The following EVC2 variants were observed in gnomAD, a reference collection of about 807,000 sequenced individuals.
The protein encoded by EVC2 is limbin.
A neutral mutation model predicts 149.3 loss-of-function variants in EVC2; 148 were observed. The observed-to-expected ratio is 0.99, with a 90% confidence interval of 0.87 to 1.14. The LOEUF (loss-of-function observed/expected upper bound fraction) is 1.14, where lower values mean the gene tolerates loss of function less well. Ranked by LOEUF, EVC2 falls within the 50% of genes most tolerant of loss-of-function variation. The pLI, the probability that EVC2 is intolerant of heterozygous loss-of-function variation, is 0.00. For missense variants in EVC2, 1,854 were observed against 1,627.3 expected (o/e 1.14, Z -2.40); for synonymous variants, 776 against 649.9 (o/e 1.19, Z -2.95).
chr4:5,701,394 G>A (rs1297202944), intron 1 of EVC2, among the ~76,000 whole-genome samples: 2 of 152,168 alleles, frequency 1.3e-5, no homozygotes, highest in East Asian at 1.9e-4. Context: ...CTGGACGTGG[G>A]CATCTTGGGG....
chr4:5,653,161 G>A (rs781559018), intron 9 of EVC2, among the ~76,000 whole-genome samples: 18 of 152,134 alleles, frequency 1.2e-4, no homozygotes, highest in African/African-American at 4.1e-4. Context: ...TACCAGTCAC[G>A]TTGGATCAAG....
intron 17 of EVC2, among the ~76,000 whole-genome samples, chr4:5,580,497 A>G (rs1711662180): frequency 6.6e-6 from 1 of 152,250 alleles, no homozygotes; most frequent in Non-Finnish European, 1.5e-5. Context: ...AGTAAACAGC[A>G]CAACTATGTG....
intron 1 of EVC2, among the ~76,000 whole-genome samples, chr4:5,704,542 C>T (rs796244406): frequency 1.1e-4 from 16 of 152,090 alleles, no homozygotes; most frequent in African/African-American, 3.4e-4. Flanking sequence ...GATGGAAATT[C>T]GGGAGCTGCC....
intron 7 of EVC2, among the ~76,000 whole-genome samples, chr4:5,668,401 G>A (rs1719413094): frequency 6.6e-6 from 1 of 152,202 alleles, no homozygotes. Context: ...GAGACTGTCA[G>A]AGAACCAATT....
In EVC2 at chr4:5,622,417, TA is replaced by T; in HGVS notation, c.2501+119del. On this transcript the variant is annotated intron_variant, in intron 14 of 21. Transcript: ENST00000344408. This position sits in a 1 kb window ranked among gnomAD's most constrained non-coding sequence, Gnocchi z 5.8. The stretch of plus-strand genomic sequence containing the variant: ...AGTTTATATGACTAATTAACGCTGG[TA>T]ATCTCATCTGTCTGGGGCCAGGTGT... 1 of 1,158,524 alleles carries T rather than the reference TA, an allele frequency of 8.6e-7. No homozygotes were observed. Among genetic ancestry groups the T allele is most frequent in the Non-Finnish European group, 1.3e-6 (1 of 791,166 alleles). 71.8% of individuals were successfully genotyped at this position (1,158,524 alleles called of 1,614,324 possible).
intron 7 of EVC2, among the ~76,000 whole-genome samples, chr4:5,672,924 A>T (rs949826917): frequency 2.6e-5 from 4 of 152,204 alleles, no homozygotes; most frequent in African/African-American, 9.7e-5. Context: ...GATTCCACTT[A>T]TCTGAAATGT....
chr4:5,701,859 C>T (rs1182176072), intron 1 of EVC2, among the ~76,000 whole-genome samples: 1 of 152,134 alleles, frequency 6.6e-6, no homozygotes, highest in Non-Finnish European at 1.5e-5. Flanking sequence ...AACCCAGAAC[C>T]AATCCCAGTA....
downstream of EVC2, among the ~76,000 whole-genome samples, chr4:5,540,168 A>G (rs1002165078): frequency 7.9e-5 from 12 of 152,238 alleles, no homozygotes; most frequent in African/African-American, 2.9e-4. Context: ...GTAAAATTTA[A>G]AAGACTGACC....
chr4:5,662,957 C>G, intron 9 of EVC2, 150 bp downstream of exon 9: 2 of 1,033,748 alleles, frequency 1.9e-6, no homozygotes, highest in South Asian at 2.9e-5. Flanking sequence ...AGATGCCAAA[C>G]ATTCAGTGCA....
At chr4:5,532,944 C>G in the EVC2 span, among the ~76,000 whole-genome samples, 6 of 151,530 alleles carry the variant, frequency 4.0e-5, no homozygotes, top group Non-Finnish European at 8.8e-5. Flanking sequence ...GGAAGGGACT[C>G]TGACTATCCA....
At chr4:5,652,468 C>G (rs1718213932) in intron 9 of EVC2, among the ~76,000 whole-genome samples, 1 of 152,162 alleles carries the variant, frequency 6.6e-6, no homozygotes, top group South Asian at 2.1e-4. Context: ...CAAAGTAACA[C>G]AAAGTGGGTG....
chr4:5,692,968 CCT>C (rs560287950), intron 3 of EVC2, among the ~76,000 whole-genome samples: 97 of 152,220 alleles, frequency 6.4e-4, no homozygotes, highest in Non-Finnish European at 1.1e-3. Context: ...CTGACCCAGG[CCT>C]CTGATTCAGT....
intron 19 of EVC2, among the ~76,000 whole-genome samples, chr4:5,571,191 G>A (rs963617802): frequency 4.6e-5 from 7 of 151,662 alleles, no homozygotes; most frequent in African/African-American, 1.7e-4. Flanking sequence ...GGTGGCGTGT[G>A]CCTGTAATCC....
At chr4:5,537,132 G>A in the EVC2 span, among the ~76,000 whole-genome samples, 17,157 of 152,180 alleles carry the variant, frequency 0.11, 1,055 homozygotes, top group South Asian at 0.29. Context: ...AGAAAGATGA[G>A]GTGAGCCTAG....
chr4:5,691,449 T>A, intron 3 of EVC2, 116 bp from the exon 4 acceptor site: 1 of 767,596 alleles, frequency 1.3e-6, no homozygotes, highest in Non-Finnish European at 2.2e-6. Flanking sequence ...CTGCTACTAA[T>A]CCTTAAGTAA....
At chr4:5,556,153 C>G (rs1429584899) in intron 21 of EVC2, among the ~76,000 whole-genome samples, 4 of 138,026 alleles carry the variant, frequency 2.9e-5, no homozygotes, top group Non-Finnish European at 4.5e-5. Flanking sequence ...CACTCTAACC[C>G]CAGGTGACAG....
In EVC2 at chr4:5,562,729, T is replaced by C; in HGVS notation, c.*119A>G. 2 of 1,589,108 alleles carry C rather than the reference T, an allele frequency of 1.3e-6. No homozygotes were observed. The highest frequency in any genetic ancestry group is 1.7e-6 in the Non-Finnish European group (2 of 1,175,270). On this transcript the variant is annotated 3_prime_UTR_variant, in exon 22 of 22. Transcript: ENST00000344408. The surrounding 1 kb of genome is among the most constrained non-coding windows in gnomAD (Gnocchi z 4.3). ...AAGTTGGCATGCGCTACGGGGTCTG[T>C]GCCTTCTGCATGTGCAATTTATATT...
At position 5,693,197 on chromosome 4, in the gene EVC2, T is replaced by C. The variant is rs191202135; in HGVS notation, c.450+1138A>G. Among the ~76,000 whole-genome samples, 17 of 152,330 alleles carry C rather than the reference T, an allele frequency of 1.1e-4. No individual in the cohort carries two copies. The East Asian group carries it at 3.3e-3, about 29-fold the overall frequency. On this transcript the variant is annotated intron_variant, in intron 3 of 21. Transcript: ENST00000344408. The stretch of plus-strand genomic sequence containing the variant: ...CTGCCCTGTGAGGTGACGAGTTACC[T>C]GTAACTGGAGAGGACTGGAAAGAAC...
Position 5,697,589 on chromosome 4 carries a change from T to A in EVC2, c.283+4A>T. On this transcript the variant is annotated splice_donor_region_variant and intron_variant, in intron 2 of 21. Transcript: ENST00000344408. ...GGGGAACATCAACCAGAAGAAAAAC[T>A]CACCTGCAGTCTTAAAGTGACAGCA... The A allele has an allele frequency of 2.5e-6, 4 of 1,614,060 alleles. No homozygotes were observed. Among genetic ancestry groups the A allele is most frequent in the Non-Finnish European group, 3.4e-6 (4 of 1,179,976 alleles).
Sources: gnomAD v4.1 joint callset for allele counts (sites outside exome capture counted in the v4.1 genomes callset) on GRCh38, gnomAD v4.1.1 for gene constraint, Gnocchi (gnomAD v3.1) non-coding constraint, MANE v1.5 for transcripts, NCBI Gene and HGNC (gene_info 2026-07-23, HGNC 2026-07-21) for gene names.